Variants in LRRC4C observed in about 807,000 individuals in gnomAD.
LRRC4C encodes the protein leucine-rich repeat-containing protein 4C.
LRRC4C carries 5 observed loss-of-function variants against 33.6 expected under a neutral mutation model. The observed-to-expected ratio is 0.15, with a 90% confidence interval of 0.08 to 0.31. LRRC4C has a LOEUF of 0.31. Ranked by LOEUF, LRRC4C falls within the 10% of genes least tolerant of loss-of-function variation. The pLI is 1.00. For synonymous variants in LRRC4C, 329 were observed against 302.0 expected, an observed-to-expected ratio of 1.09 and a Z score of -0.93; for missense variants, 560 against 796.7, an observed-to-expected ratio of 0.70 and a Z score of 3.58.
intron 2 of LRRC4C, among the ~76,000 whole-genome samples, chr11:40,760,892 T>A (rs895301755): frequency 7.5e-5 from 11 of 146,666 alleles, no homozygotes; most frequent in Admixed American, 3.4e-4. Context: ...TATATATATA[T>A]AAATATATAT....
At chr11:41,336,374 G>T (rs940123370) in intron 1 of LRRC4C, among the ~76,000 whole-genome samples, 5 of 151,266 alleles carry the variant, frequency 3.3e-5, no homozygotes, top group Non-Finnish European at 7.4e-5. Context: ...AAGTGTATAT[G>T]CAAACCCTTC....
chr11:40,217,606 A>G (rs1467573050), intron 5 of LRRC4C, among the ~76,000 whole-genome samples: 1 of 152,192 alleles, frequency 6.6e-6, no homozygotes, highest in Non-Finnish European at 1.5e-5. Flanking sequence ...TTTACAATGC[A>G]TAGTATGTAT....
chr11:40,866,413 AT>A (rs1954372965), intron 2 of LRRC4C, among the ~76,000 whole-genome samples: 1 of 152,172 alleles, frequency 6.6e-6, no homozygotes. Context: ...TTTCATGAAA[AT>A]CACGTACATT....
chr11:41,380,200 G>A (rs2137880294), intron 1 of LRRC4C, among the ~76,000 whole-genome samples: 1 of 152,244 alleles, frequency 6.6e-6, no homozygotes, highest in South Asian at 2.1e-4. Flanking sequence ...ATTTTCAATT[G>A]TGTTGCCTTT....
intron 2 of LRRC4C, among the ~76,000 whole-genome samples, chr11:40,917,622 C>G (rs1249312004): frequency 6.6e-6 from 1 of 152,130 alleles, no homozygotes; most frequent in Non-Finnish European, 1.5e-5. Context: ...CCCAACCCAG[C>G]TCTGCCATTT....
chr11:40,828,961 A>G (rs1041440473), intron 2 of LRRC4C, among the ~76,000 whole-genome samples: 1 of 151,956 alleles, frequency 6.6e-6, no homozygotes, highest in Non-Finnish European at 1.5e-5. Context: ...TCCTTAACAC[A>G]TATGCTGCAT....
chr11:40,489,847 T>C (rs950823113), intron 3 of LRRC4C, among the ~76,000 whole-genome samples: 2 of 152,200 alleles, frequency 1.3e-5, no homozygotes, highest in African/African-American at 4.8e-5. Flanking sequence ...ACTTCTCCGA[T>C]AAGTAGTGAG....
intron 1 of LRRC4C, among the ~76,000 whole-genome samples, chr11:41,116,426 T>A (rs1942128814): frequency 6.6e-6 from 1 of 152,150 alleles, no homozygotes; most frequent in South Asian, 2.1e-4. Flanking sequence ...TATTAGTCTA[T>A]TTTAAATGAA....
intron 1 of LRRC4C, among the ~76,000 whole-genome samples, chr11:41,130,431 T>C (rs941034776): frequency 2.0e-5 from 3 of 152,110 alleles, no homozygotes; most frequent in Non-Finnish European, 2.9e-5. Context: ...GAAGGACACA[T>C]CTGGTTATGT....
chr11:40,180,619 T>C (rs1435402033), intron 5 of LRRC4C, among the ~76,000 whole-genome samples: 1 of 152,222 alleles, frequency 6.6e-6, no homozygotes, highest in Non-Finnish European at 1.5e-5. Flanking sequence ...CATCTCTCTG[T>C]TGGTTTCCTC....
At chr11:41,446,504 G>C (rs1955831727) in intron 1 of LRRC4C, among the ~76,000 whole-genome samples, 2 of 151,950 alleles carry the variant, frequency 1.3e-5, no homozygotes, top group Non-Finnish European at 2.9e-5. Flanking sequence ...GAAGGGGACT[G>C]AGAGAGTTGT....
At chr11:40,865,659 G>A (rs2135891646) in intron 2 of LRRC4C, among the ~76,000 whole-genome samples, 1 of 151,400 alleles carries the variant, frequency 6.6e-6, no homozygotes, top group Non-Finnish European at 1.5e-5. Flanking sequence ...TCAACAGGTG[G>A]GTTATCTCTG....
At chr11:40,459,849 C>G (rs906727537) in intron 3 of LRRC4C, among the ~76,000 whole-genome samples, 1 of 152,160 alleles carries the variant, frequency 6.6e-6, no homozygotes, top group Non-Finnish European at 1.5e-5. Context: ...GTGCTGGCTA[C>G]CTTTTCGCCC....
intron 2 of LRRC4C, among the ~76,000 whole-genome samples, chr11:40,925,237 C>T (rs1451419287): frequency 6.6e-6 from 1 of 152,088 alleles, no homozygotes; most frequent in East Asian, 1.9e-4. Context: ...TTGGGCTACC[C>T]AATTTTATTT....
At chr11:40,468,951 T>C (rs1252626282) in intron 3 of LRRC4C, among the ~76,000 whole-genome samples, 1 of 152,206 alleles carries the variant, frequency 6.6e-6, no homozygotes, top group East Asian at 1.9e-4. Flanking sequence ...ATTATTCTTA[T>C]CTGTAAAGTA....
chr11:40,301,263 T>C (rs1944760371), intron 4 of LRRC4C, among the ~76,000 whole-genome samples: 1 of 152,206 alleles, frequency 6.6e-6, no homozygotes, highest in Non-Finnish European at 1.5e-5. Flanking sequence ...CTTTTACATA[T>C]CCTTTCTAAA....
chr11:40,814,773 C>T (rs1459998082), intron 2 of LRRC4C, among the ~76,000 whole-genome samples: 2 of 151,882 alleles, frequency 1.3e-5, no homozygotes, highest in Admixed American at 1.3e-4. Flanking sequence ...CAAAATGCCA[C>T]CAGTCTCTTT....
At chr11:41,097,731 T>C (rs1940902682) in intron 1 of LRRC4C, among the ~76,000 whole-genome samples, 1 of 152,186 alleles carries the variant, frequency 6.6e-6, no homozygotes, top group Admixed American at 6.6e-5. Flanking sequence ...ATGGTACTTT[T>C]CTTGAGGATG....
chr11:41,154,287 T>C (rs1049884346), intron 1 of LRRC4C, among the ~76,000 whole-genome samples: 1 of 152,168 alleles, frequency 6.6e-6, no homozygotes, highest in Admixed American at 6.6e-5. Context: ...AACTTTTCTG[T>C]AAAGATTTCT....
Sources: gnomAD v4.1 joint callset for allele counts (sites outside exome capture counted in the v4.1 genomes callset) on GRCh38, gnomAD v4.1.1 for gene constraint, MANE v1.5 for transcripts, NCBI Gene and HGNC (gene_info 2026-07-23, HGNC 2026-07-21) for gene names.